STXBP6: variants seen among roughly 807,000 people sequenced by gnomAD.
The protein encoded by STXBP6 is syntaxin-binding protein 6.
Under a neutral mutation model 26.9 loss-of-function variants are expected in STXBP6, and 21 were observed. That is an observed-to-expected ratio of 0.78 (90% CI 0.55 to 1.12). The LOEUF (loss-of-function observed/expected upper bound fraction) is 1.12, where lower values mean the gene tolerates loss of function less well. STXBP6 is among the 50% of genes most tolerant of loss of function. The probability of loss-of-function intolerance (pLI) is 0.00; values close to 1 mark genes in which losing one functional copy is unlikely to be tolerated. For synonymous variants in STXBP6, 97 were observed against 92.6 expected (o/e 1.05, Z -0.27); for missense variants, 232 against 257.9 (o/e 0.90, Z 0.69).
intron 2 of STXBP6, among the ~76,000 whole-genome samples, chr14:24,911,629 C>A (rs2071579181): frequency 6.6e-6 from 1 of 152,158 alleles, no homozygotes; most frequent in Non-Finnish European, 1.5e-5. Context: ...TCTAACAGCC[C>A]AACAGTCAGT....
intron 2 of STXBP6, among the ~76,000 whole-genome samples, chr14:24,901,697 C>A (rs2071217956): frequency 7.5e-6 from 1 of 132,458 alleles, no homozygotes; most frequent in South Asian, 2.6e-4. Context: ...GCTATACTAA[C>A]ACATGAAACA....
rs866638607 is a variant in STXBP6 at position 24,930,101 on chromosome 14, T to A, written c.154+44564A>T. On this transcript the variant is annotated intron_variant, in intron 2 of 5. Transcript: ENST00000323944. ...TTTGTCAAGACTTGCTATGCTTCTGTTAGCTTGCAACGAATCCACTTTTGG... is the reference window on the plus strand; with the variant it reads ...TTTGTCAAGACTTGCTATGCTTCTGATAGCTTGCAACGAATCCACTTTTGG... Among the ~76,000 whole-genome samples, 48 of 152,228 alleles carry A rather than the reference T, an allele frequency of 3.2e-4. 1 individual carries two copies. Among genetic ancestry groups the A allele is most frequent in the African/African-American group, 1.2e-3 (48 of 41,462 alleles).
chr14:24,950,805 T>C (rs1418110435), intron 2 of STXBP6, among the ~76,000 whole-genome samples: 2 of 152,150 alleles, frequency 1.3e-5, no homozygotes, highest in African/African-American at 4.8e-5. Flanking sequence ...AGTTTTGTTA[T>C]GTAGGTACAC....
chr14:24,846,196 G>C (rs564291215), intron 4 of STXBP6, among the ~76,000 whole-genome samples: 1 of 152,040 alleles, frequency 6.6e-6, no homozygotes, highest in Non-Finnish European at 1.5e-5. Context: ...TATCTTTCCC[G>C]CAAAATTAAC....
intron 2 of STXBP6, among the ~76,000 whole-genome samples, chr14:24,928,435 A>G (rs1440386038): frequency 6.6e-6 from 1 of 151,474 alleles, no homozygotes; most frequent in Non-Finnish European, 1.5e-5. Context: ...TCACAGCCAT[A>G]TGCTAAGCTG....
At chr14:25,035,177 T>C (rs1235306198) in intron 1 of STXBP6, among the ~76,000 whole-genome samples, 1 of 150,330 alleles carries the variant, frequency 6.7e-6, no homozygotes, top group South Asian at 2.1e-4. Context: ...AAAATTCTCA[T>C]AGAAAGAACT....
intron 2 of STXBP6, among the ~76,000 whole-genome samples, chr14:24,956,579 G>A (rs996018784): frequency 2.0e-5 from 3 of 152,126 alleles, no homozygotes; most frequent in East Asian, 3.8e-4. Flanking sequence ...CCCCATGTAC[G>A]AACTTGTGAA....
chr14:24,866,836 T>C (rs2073560932), intron 2 of STXBP6, among the ~76,000 whole-genome samples: 1 of 151,798 alleles, frequency 6.6e-6, no homozygotes, highest in Admixed American at 6.6e-5. Flanking sequence ...TTCTCCCCAA[T>C]TTGATCTAAA....
At chr14:24,993,881 A>G (rs2074534728) in intron 1 of STXBP6, among the ~76,000 whole-genome samples, 1 of 152,126 alleles carries the variant, frequency 6.6e-6, no homozygotes, top group Non-Finnish European at 1.5e-5. Context: ...GTACCTCCTT[A>G]GCAATCAGCA....
chr14:24,989,898 TG>T (rs1179317574), intron 1 of STXBP6, among the ~76,000 whole-genome samples: 1 of 152,190 alleles, frequency 6.6e-6, no homozygotes, highest in Non-Finnish European at 1.5e-5. Context: ...ACGTTAAGCA[TG>T]TACTGTGGTT....
Position 24,811,948 on chromosome 14 carries a change from T to C in STXBP6, c.*761A>G, listed in dbSNP as rs1243896293. 6 of 151,928 alleles carry C rather than the reference T, an allele frequency of 3.9e-5. No individual in the cohort carries two copies. Among genetic ancestry groups the C allele is most frequent in the African/African-American group, 1.5e-4 (6 of 41,364 alleles). The allele number at this position is 151,928 out of a possible 1,614,324, so 9.4% of individuals were successfully genotyped here. A position where few individuals can be genotyped will look rare whatever the true frequency, so the allele number is the denominator to read the frequency against. Reference sequence around the variant, plus strand: ...GAAACATCTGTGAGTACACAGAGGGTTTTAGGTAGGCTTTTCTTTAGGGCT... The same window carrying C: ...GAAACATCTGTGAGTACACAGAGGGCTTTAGGTAGGCTTTTCTTTAGGGCT... On this transcript the variant is annotated 3_prime_UTR_variant, in exon 6 of 6. Transcript: ENST00000323944.
At position 25,036,604 on chromosome 14, in the gene STXBP6, T is replaced by C. The variant is rs553781813; in HGVS notation, c.-33+13274A>G. ...GCACGGTGGCTCACGCCTGTAATCA[T>C]AGCACTCTGGGAGGCTGAGGCGGGC... On this transcript the variant is annotated intron_variant, in intron 1 of 5. Transcript: ENST00000323944. 1.3e-4 allele frequency among the ~76,000 whole-genome samples: 20 copies of C among 152,176 alleles called. No homozygotes were observed. The East Asian group carries it at 3.7e-3, about 28-fold the overall frequency.
At chr14:24,875,958 C>T (rs1488921175) in intron 2 of STXBP6, among the ~76,000 whole-genome samples, 4 of 151,896 alleles carry the variant, frequency 2.6e-5, no homozygotes, top group Admixed American at 1.3e-4. Flanking sequence ...ATGATAAATA[C>T]GGCACTGTGT....
chr14:24,835,959 C>CA (rs1009453311), intron 4 of STXBP6, among the ~76,000 whole-genome samples: 6 of 152,282 alleles, frequency 3.9e-5, no homozygotes, highest in African/African-American at 9.6e-5. Flanking sequence ...TTGTAGGAAA[C>CA]AAGCATTACT....
intron 2 of STXBP6, among the ~76,000 whole-genome samples, chr14:24,884,951 C>T (rs1270258881): frequency 1.3e-5 from 2 of 152,106 alleles, no homozygotes; most frequent in African/African-American, 4.8e-5. Flanking sequence ...AGCATACATT[C>T]CACAGTTTTG....
intron 2 of STXBP6, among the ~76,000 whole-genome samples, chr14:24,945,327 C>G (rs1053620191): frequency 1.3e-5 from 2 of 151,574 alleles, no homozygotes; most frequent in African/African-American, 4.9e-5. Flanking sequence ...ACCTGTAATC[C>G]CAGCACTTTG....
chr14:24,878,324 A>T (rs889897324), intron 2 of STXBP6, among the ~76,000 whole-genome samples: 7 of 151,984 alleles, frequency 4.6e-5, no homozygotes, highest in Admixed American at 1.3e-4. Flanking sequence ...GCCTTAAAAA[A>T]TTTTCTGGTT....
chr14:24,985,695 T>C (rs1023106901), intron 1 of STXBP6, among the ~76,000 whole-genome samples: 5 of 152,204 alleles, frequency 3.3e-5, no homozygotes, highest in African/African-American at 1.2e-4. Context: ...CGGAGAAGGA[T>C]CTCAGCAAGA....
At chr14:25,029,343 G>A (rs1032023240) in intron 1 of STXBP6, among the ~76,000 whole-genome samples, 3 of 152,136 alleles carry the variant, frequency 2.0e-5, no homozygotes, top group Non-Finnish European at 4.4e-5. Flanking sequence ...CATCCACGTT[G>A]AGGCAAGACC....
Sources: allele counts gnomAD v4.1 joint callset (sites outside exome capture counted in the v4.1 genomes callset), GRCh38; gene constraint gnomAD v4.1.1; transcripts MANE v1.5; gene names NCBI Gene and HGNC (gene_info 2026-07-23, HGNC 2026-07-21).